RBM19: variants seen among roughly 807,000 people sequenced by gnomAD.
RBM19 encodes probable RNA-binding protein 19.
A neutral mutation model predicts 116.8 loss-of-function variants in RBM19; 94 were observed. That is an observed-to-expected ratio of 0.80 (90% confidence interval 0.68 to 0.95). RBM19 has a LOEUF of 0.95. Among genes scored for constraint, RBM19 ranks in the 40% least tolerant of loss-of-function variants. The pLI, the probability that RBM19 is intolerant of heterozygous loss-of-function variation, is 0.00. For synonymous variants in RBM19, 475 were observed against 494.1 expected, an observed-to-expected ratio of 0.96 and a Z score of 0.51; for missense variants, 1,161 against 1,220.7, an observed-to-expected ratio of 0.95 and a Z score of 0.73.
chr12:113,835,732 G>T (rs1388787531), intron 23 of RBM19, among the ~76,000 whole-genome samples: 1 of 152,246 alleles, frequency 6.6e-6, no homozygotes, highest in Non-Finnish European at 1.5e-5. Context: ...GGCTTGGGCA[G>T]GCGGGGGAAG....
chr12:113,886,043 T>G (rs1437684932), intron 21 of RBM19, among the ~76,000 whole-genome samples: 1 of 151,814 alleles, frequency 6.6e-6, no homozygotes, highest in Admixed American at 6.6e-5. Flanking sequence ...CTAATTTTTT[T>G]TGTATTTTTA....
intron 8 of RBM19, among the ~76,000 whole-genome samples, chr12:113,950,361 C>A (rs1871366777): frequency 6.6e-6 from 1 of 152,168 alleles, no homozygotes; most frequent in Non-Finnish European, 1.5e-5. Flanking sequence ...CAGACCCCAG[C>A]CCGGTGTCAT....
chr12:113,846,223 C>A (rs1479070094), intron 22 of RBM19, among the ~76,000 whole-genome samples: 3 of 152,132 alleles, frequency 2.0e-5, no homozygotes, highest in Non-Finnish European at 2.9e-5. Flanking sequence ...GCAGAGAGCA[C>A]CAGTGGGTAC....
chr12:113,935,205 G>A (rs1306092901), intron 16 of RBM19, among the ~76,000 whole-genome samples: 2 of 152,090 alleles, frequency 1.3e-5, no homozygotes, highest in Non-Finnish European at 2.9e-5. Flanking sequence ...CCTGCCTCCT[G>A]TTGCCACCCA....
Position 113,940,139 on chromosome 12 carries a change from T to A in RBM19, c.1759A>T (p.Thr587Ser). Residue 587 changes from threonine (T) to serine (S), a missense_variant, in exon 15 of 24, where the codon ACT (threonine) becomes TCT (serine). Physicochemically the swap from Thr to Ser is moderately conservative, Grantham distance 58. Coordinates refer to ENST00000261741, the MANE Select transcript of RBM19 (RefSeq NM_016196.4). Reference sequence around the variant, plus strand: ...GGGAGGTTCTTGACCAGAATCACAGTCTTGCTTCGCTCTGCTGCAGCCTGC... The same window carrying A: ...GGGAGGTTCTTGACCAGAATCACAGACTTGCTTCGCTCTGCTGCAGCCTGC... ...FSQAAAERSK[T>S]VILVKNLPAG... 1 of 1,613,864 alleles carries A rather than the reference T, an allele frequency of 6.2e-7. No individual in the cohort carries two copies. The highest frequency in any genetic ancestry group is 8.5e-7 in the Non-Finnish European group (1 of 1,179,888).
At chr12:113,933,281 CCCTCGTTGT>C (rs779179392) in intron 16 of RBM19, among the ~76,000 whole-genome samples, 2 of 151,036 alleles carry the variant, frequency 1.3e-5, no homozygotes, top group Non-Finnish European at 3.0e-5. Context: ...GTCCCCCCAG[CCCTCGTTGT>C]CCTCGTACAA....
At position 113,898,093 on chromosome 12, in the gene RBM19, A is replaced by C. The variant is rs1310544560; in HGVS notation, c.2558+16876T>G. Among the ~76,000 whole-genome samples, 1 of 152,186 alleles carries C rather than the reference A, an allele frequency of 6.6e-6. No individual in the cohort carries two copies. Among genetic ancestry groups the C allele is most frequent in the African/African-American group, 2.4e-5 (1 of 41,448 alleles). On this transcript the variant is annotated intron_variant, in intron 21 of 23. Coordinates refer to ENST00000261741, the MANE Select transcript of RBM19 (RefSeq NM_016196.4). This position sits in a 1 kb window ranked among gnomAD's most constrained non-coding sequence, Gnocchi z 4.3. ...AACCTGACAGGTATCCTGGAACCTG[A>C]AATTTGGACTAAAGTAAGAGTCCAT... is the stretch of plus-strand genomic sequence containing the variant.
At chr12:113,887,197 A>G (rs150881936) in intron 21 of RBM19, among the ~76,000 whole-genome samples, 35 of 152,316 alleles carry the variant, frequency 2.3e-4, no homozygotes, top group African/African-American at 8.4e-4. Context: ...AGAGTTGGGT[A>G]ATCCTGATGG....
intron 21 of RBM19, among the ~76,000 whole-genome samples, chr12:113,859,281 T>C (rs1213378372): frequency 1.3e-5 from 2 of 152,340 alleles, no homozygotes; most frequent in Non-Finnish European, 1.5e-5. Flanking sequence ...GGGCTGCCCA[T>C]GTGTGCTAGT....
intron 22 of RBM19, among the ~76,000 whole-genome samples, chr12:113,855,023 CT>C (rs1877782281): frequency 6.6e-6 from 1 of 152,350 alleles, no homozygotes; most frequent in Non-Finnish European, 1.5e-5. Flanking sequence ...CTAGGATTCT[CT>C]TTCCAGTTTG....
rs150860239 is a variant in RBM19 at position 113,858,762 on chromosome 12, A to T, written c.2664+29T>A. 2.1e-4 allele frequency: 342 copies of T among 1,603,784 alleles called. No individual in the cohort carries two copies. The African/African-American group carries it at 4.1e-3, about 19-fold the overall frequency. On this transcript the variant is annotated intron_variant, in intron 22 of 23. Coordinates refer to ENST00000261741, the MANE Select transcript of RBM19 (RefSeq NM_016196.4). The stretch of plus-strand genomic sequence containing the variant: ...TGGGTACTGGAAAGGGGAGGCCTGG[A>T]CAGGTGGGGAAGGGATTCACGGTCT...
chr12:113,909,384 G>A (rs1291046888), intron 21 of RBM19, among the ~76,000 whole-genome samples: 1 of 152,164 alleles, frequency 6.6e-6, no homozygotes, highest in Non-Finnish European at 1.5e-5. Context: ...GCCTCCCAAA[G>A]TGCGGGAACA....
Position 113,898,481 on chromosome 12 carries a change from T to C in RBM19, c.2558+16488A>G, listed in dbSNP as rs1881490272. Reference sequence around the variant, plus strand: ...ACTGGGATGAACAATGAAACATTTTTCTGTTCCCAATTCCAAGAGTAATTG... The same window carrying C: ...ACTGGGATGAACAATGAAACATTTTCCTGTTCCCAATTCCAAGAGTAATTG... On this transcript the variant is annotated intron_variant, in intron 21 of 23. Transcript: ENST00000261741. This position sits in a 1 kb window ranked among gnomAD's most constrained non-coding sequence, Gnocchi z 4.3. Among the ~76,000 whole-genome samples the C allele has an allele frequency of 6.6e-6, 1 of 152,256 alleles. No homozygotes were observed. The highest frequency in any genetic ancestry group is 2.4e-5 in the African/African-American group (1 of 41,464).
At chr12:113,910,017 C>T (rs901689590) in intron 21 of RBM19, among the ~76,000 whole-genome samples, 1 of 152,180 alleles carries the variant, frequency 6.6e-6, no homozygotes, top group African/African-American at 2.4e-5. Flanking sequence ...ATTGAATCCA[C>T]AGATTTATCA....
At position 113,903,822 on chromosome 12, in the gene RBM19, C is replaced by G. The variant is rs960076461; in HGVS notation, c.2558+11147G>C. The stretch of plus-strand genomic sequence containing the variant: ...TATCTTGATATAATCTGGGTAGTTC[C>G]TGTCTCTCCCTCCTAAAATAAGAGG... On this transcript the variant is annotated intron_variant, in intron 21 of 23. Transcript: ENST00000261741. This position sits in a 1 kb window ranked among gnomAD's most constrained non-coding sequence, Gnocchi z 5.1. Among the ~76,000 whole-genome samples, 1 of 152,134 alleles carries G rather than the reference C, an allele frequency of 6.6e-6. No homozygotes were observed. Among genetic ancestry groups the G allele is most frequent in the African/African-American group, 2.4e-5 (1 of 41,420 alleles).
At chr12:113,885,144 C>T (rs546943486) in intron 21 of RBM19, among the ~76,000 whole-genome samples, 1 of 152,336 alleles carries the variant, frequency 6.6e-6, no homozygotes, top group African/African-American at 2.4e-5. Flanking sequence ...CCTGAACTAT[C>T]TTCCAACATA....
Position 113,957,819 on chromosome 12 carries a change from G to A in RBM19, c.803C>T (p.Pro268Leu). ...CTCCGGTGGTCTCTTTTTCCCAGCTGGCATCCCTTGCTCTTGGCCTGCACC... is the reference window on the plus strand; with the variant it reads ...CTCCGGTGGTCTCTTTTTCCCAGCTAGCATCCCTTGCTCTTGGCCTGCACC... Reference protein sequence around the residue: ...SKGAGQEQGMPAGKKRPPEAR... With the variant: ...SKGAGQEQGMLAGKKRPPEAR... The change falls in exon 6 of 24, where the codon CCA becomes CTA. Residue 268 changes from proline to leucine, a missense_variant. By Grantham distance (98) the Pro-to-Leu change is moderately conservative. Coordinates refer to ENST00000261741, the MANE Select transcript of RBM19 (RefSeq NM_016196.4). 6.2e-7 allele frequency: 1 copy of A among 1,606,754 alleles called. No individual in the cohort carries two copies. Among genetic ancestry groups the A allele is most frequent in the Non-Finnish European group, 8.5e-7 (1 of 1,176,020 alleles).
chr12:113,894,017 T>G (rs1881143821), intron 21 of RBM19, among the ~76,000 whole-genome samples: 1 of 152,214 alleles, frequency 6.6e-6, no homozygotes, highest in Admixed American at 6.5e-5. Context: ...AGATCAGCAC[T>G]GAGCACTCCA....
At chr12:113,849,630 A>G (rs904665597) in intron 22 of RBM19, among the ~76,000 whole-genome samples, 2 of 152,204 alleles carry the variant, frequency 1.3e-5, no homozygotes, top group African/African-American at 4.8e-5. Flanking sequence ...TGGGAACAGT[A>G]ACCTGCACCA....
Sources: allele counts gnomAD v4.1 joint callset (sites outside exome capture counted in the v4.1 genomes callset), GRCh38; gene constraint gnomAD v4.1.1; non-coding constraint Gnocchi (gnomAD v3.1); transcripts MANE v1.5; gene names NCBI Gene and HGNC (gene_info 2026-07-23, HGNC 2026-07-21).